CNKSR2: variants seen among roughly 807,000 people sequenced by gnomAD.
CNKSR2 encodes the protein connector enhancer of kinase suppressor of Ras 2.
A neutral mutation model predicts 84.4 loss-of-function variants in CNKSR2; 14 were observed. The observed-to-expected ratio is 0.17, with a 90% confidence interval of 0.11 to 0.26. The LOEUF is 0.26. Among genes scored for constraint, CNKSR2 ranks in the 10% least tolerant of loss-of-function variants. The probability of loss-of-function intolerance (pLI) is 1.00; values close to 1 mark genes in which losing one functional copy is unlikely to be tolerated. For missense variants in CNKSR2, 485 were observed against 771.2 expected (o/e 0.63, Z 4.40); for synonymous variants, 275 against 277.9 (o/e 0.99, Z 0.10).
At chrX:21,546,122 C>T (rs1256159187) in intron 11 of CNKSR2, among the ~76,000 whole-genome samples, 1 of 109,578 alleles carries the variant, frequency 9.1e-6, no homozygotes, top group Non-Finnish European at 1.9e-5. Context: ...ATAACAAACT[C>T]CTGAGCTAAA....
At position 21,479,375 on chromosome X, in the gene CNKSR2, A is replaced by T. The variant is rs191872304; in HGVS notation, c.561+8568A>T. Among the ~76,000 whole-genome samples the T allele has an allele frequency of 1.7e-3, 186 of 111,402 alleles. 1 individual carries two copies. Among genetic ancestry groups the T allele is most frequent in the Non-Finnish European group, 1.1e-3 (57 of 53,063 alleles). ...GGACACTTAACTTATTTAGTTCCTT[A>T]TCTTTGCTATTGTGAATTTTGATAT... On this transcript the variant is annotated intron_variant, in intron 5 of 21. Coordinates refer to ENST00000379510, the MANE Select transcript of CNKSR2 (RefSeq NM_014927.5).
intron 20 of CNKSR2, among the ~76,000 whole-genome samples, chrX:21,617,902 C>A (rs1302138885): frequency 3.2e-4 from 26 of 81,120 alleles, no homozygotes; most frequent in African/African-American, 1.1e-3. Context: ...CTGCCCCCCC[C>A]ACAAACACAC....
intron 4 of CNKSR2, among the ~76,000 whole-genome samples, chrX:21,467,293 A>T (rs1008368057): frequency 2.8e-4 from 31 of 111,314 alleles, no homozygotes; most frequent in African/African-American, 9.8e-4. Context: ...TACTTCTGGG[A>T]ATCTGCATTT....
chrX:21,599,297 A>G (rs1388630579), intron 17 of CNKSR2, among the ~76,000 whole-genome samples: 8 of 109,643 alleles, frequency 7.3e-5, no homozygotes, highest in African/African-American at 2.7e-4. Context: ...TTTGTTCTTT[A>G]CATTTCTGAT....
At chrX:21,485,105 C>A (rs1273969628) in intron 5 of CNKSR2, among the ~76,000 whole-genome samples, 5 of 110,891 alleles carry the variant, frequency 4.5e-5, no homozygotes, top group Non-Finnish European at 9.5e-5. Flanking sequence ...ATAGCTTGAA[C>A]CCGGGAGGTG....
intron 4 of CNKSR2, among the ~76,000 whole-genome samples, chrX:21,470,247 T>G (rs986517782): frequency 1.3e-4 from 14 of 111,951 alleles, no homozygotes; most frequent in Non-Finnish European, 2.3e-4. Context: ...GTAATTATTA[T>G]TAGTAGATGT....
intron 6 of CNKSR2, among the ~76,000 whole-genome samples, chrX:21,497,039 ATAATT>A (rs2091506981): frequency 9.0e-6 from 1 of 111,204 alleles, no homozygotes; most frequent in Admixed American, 9.6e-5. Context: ...ATCACTATCC[ATAATT>A]TAAAGTTTCC....
intron 1 of CNKSR2, among the ~76,000 whole-genome samples, chrX:21,383,136 T>C (rs1412778489): frequency 8.9e-6 from 1 of 112,639 alleles, no homozygotes; most frequent in Non-Finnish European, 1.9e-5. Flanking sequence ...TTAAATGCTC[T>C]AGCTAGTACT....
rs185119817 is a variant in CNKSR2, at chrX:21,566,755, T to C, written c.1608+3303T>C. ...GTGTGTGCATGCATGCATATAGTGT[T>C]CCTTATAAGCACACCTAGAGTATAG... On this transcript the variant is annotated intron_variant, in intron 13 of 21. Transcript: ENST00000379510. 2.6e-4 allele frequency among the ~76,000 whole-genome samples: 29 copies of C among 111,572 alleles called. No individual in the cohort carries two copies. In the East Asian group the frequency reaches 8.1e-3, roughly 31 times the overall value.
At chrX:21,473,877 G>C (rs759628882) in intron 5 of CNKSR2, among the ~76,000 whole-genome samples, 25 of 105,193 alleles carry the variant, frequency 2.4e-4, no homozygotes, top group African/African-American at 8.1e-4. Context: ...CTCCCGAGTA[G>C]CTGGGACTAC....
chrX:21,426,342 G>A (rs1266449975), intron 1 of CNKSR2, 155 bp from the exon 2 acceptor site: 2 of 454,103 alleles, frequency 4.4e-6, no homozygotes, highest in African/African-American at 2.5e-5. Flanking sequence ...TAGCCCATAT[G>A]TAGGTTAAGA....
At chrX:21,465,661 A>G (rs2091117466) in intron 4 of CNKSR2, among the ~76,000 whole-genome samples, 1 of 111,189 alleles carries the variant, frequency 9.0e-6, no homozygotes, top group Non-Finnish European at 1.9e-5. Context: ...ATGAAATATA[A>G]TAGTATTATT....
chrX:21,559,138 A>C (rs2092165086), intron 11 of CNKSR2, among the ~76,000 whole-genome samples: 1 of 111,355 alleles, frequency 9.0e-6, no homozygotes, highest in South Asian at 3.8e-4. Flanking sequence ...ACCTGGATCT[A>C]TAGATGGCTG....
chrX:21,392,293 C>A (rs933084727), intron 1 of CNKSR2, among the ~76,000 whole-genome samples: 1 of 111,834 alleles, frequency 8.9e-6, no homozygotes, highest in Non-Finnish European at 1.9e-5. Flanking sequence ...CTCCTACATA[C>A]CAATTTTTTG....
At chrX:21,552,539 TGTCTTAA>T (rs1326477420) in intron 11 of CNKSR2, among the ~76,000 whole-genome samples, 1 of 112,084 alleles carries the variant, frequency 8.9e-6, no homozygotes, top group Non-Finnish European at 1.9e-5. Flanking sequence ...GATTTCTTTG[TGTCTTAA>T]GTTCCAAACA....
intron 5 of CNKSR2, among the ~76,000 whole-genome samples, chrX:21,472,034 G>C (rs2091203915): frequency 8.9e-6 from 1 of 111,834 alleles, no homozygotes; most frequent in Admixed American, 9.5e-5. Flanking sequence ...TTTGAACACA[G>C]AATCTAATAC....
intron 1 of CNKSR2, among the ~76,000 whole-genome samples, chrX:21,413,577 T>C (rs1014451917): frequency 1.9e-4 from 21 of 111,183 alleles, no homozygotes; most frequent in Non-Finnish European, 3.8e-5. Context: ...TCTAAATATA[T>C]TTTTGTAAGT....
At chrX:21,548,671 A>G (rs2092053131) in intron 11 of CNKSR2, among the ~76,000 whole-genome samples, 1 of 112,144 alleles carries the variant, frequency 8.9e-6, no homozygotes, top group Non-Finnish European at 1.9e-5. Context: ...GAAAATCCTC[A>G]ATAAAATACT....
At chrX:21,404,975 C>T (rs988054374) in intron 1 of CNKSR2, among the ~76,000 whole-genome samples, 5 of 110,333 alleles carry the variant, frequency 4.5e-5, no homozygotes, top group Non-Finnish European at 9.5e-5. Flanking sequence ...AATACAAATG[C>T]ATAGGTCTGT....
Sources: allele counts gnomAD v4.1 joint callset (sites outside exome capture counted in the v4.1 genomes callset), GRCh38; gene constraint gnomAD v4.1.1; transcripts MANE v1.5; gene names NCBI Gene and HGNC (gene_info 2026-07-23, HGNC 2026-07-21).